ITFG1: variants seen among roughly 807,000 people sequenced by gnomAD.
ITFG1 encodes T-cell immunomodulatory protein.
Under a neutral mutation model 81.8 loss-of-function variants are expected in ITFG1, and 34 were observed. The ratio of observed to expected loss-of-function variants is 0.42; its 90% CI spans 0.32 to 0.55. The LOEUF (loss-of-function observed/expected upper bound fraction) is 0.55. Among genes scored for constraint, ITFG1 ranks in the 20% least tolerant of loss-of-function variants. The pLI is 0.17. For synonymous variants in ITFG1, 285 were observed against 270.6 expected (o/e 1.05, Z -0.52); for missense variants, 672 against 755.4 (o/e 0.89, Z 1.29).
chr16:47,295,723 A>T (rs1207576644), intron 10 of ITFG1, among the ~76,000 whole-genome samples: 1 of 152,036 alleles, frequency 6.6e-6, no homozygotes, highest in Admixed American at 6.6e-5. Context: ...GGAGTGGTTT[A>T]TCAATTTTGT....
intron 8 of ITFG1, among the ~76,000 whole-genome samples, chr16:47,332,845 G>A (rs545453447): frequency 2.6e-5 from 4 of 152,284 alleles, no homozygotes; most frequent in Admixed American, 2.6e-4. Flanking sequence ...GGATTTTCAC[G>A]TCAGTCTTTC....
intron 10 of ITFG1, among the ~76,000 whole-genome samples, chr16:47,277,638 C>T (rs1157357101): frequency 6.6e-6 from 1 of 152,090 alleles, no homozygotes; most frequent in East Asian, 1.9e-4. Context: ...TAGATATGAC[C>T]ATTTCAACAT....
intron 6 of ITFG1, among the ~76,000 whole-genome samples, chr16:47,409,132 G>A (rs1168558688): frequency 6.6e-6 from 1 of 151,208 alleles, no homozygotes; most frequent in Non-Finnish European, 1.5e-5. Flanking sequence ...GGGAAAATTA[G>A]GGTTATCATA....
intron 10 of ITFG1, among the ~76,000 whole-genome samples, chr16:47,303,533 T>C (rs1204205325): frequency 3.3e-5 from 5 of 152,184 alleles, no homozygotes; most frequent in Admixed American, 6.5e-5. Context: ...CCGGAAAGAT[T>C]TGGACATTTT....
intron 5 of ITFG1, among the ~76,000 whole-genome samples, chr16:47,441,098 C>T (rs376325529): frequency 6.6e-5 from 10 of 152,150 alleles, no homozygotes; most frequent in African/African-American, 1.7e-4. Flanking sequence ...ATAAATTCCT[C>T]GACACATACA....
intron 5 of ITFG1, among the ~76,000 whole-genome samples, chr16:47,441,675 T>G (rs1969252700): frequency 6.6e-6 from 1 of 152,132 alleles, no homozygotes; most frequent in Middle Eastern, 3.2e-3. Flanking sequence ...TGATGGGACA[T>G]ATCTCAAAAT....
chr16:47,211,320 G>C (rs1243816861), intron 14 of ITFG1, among the ~76,000 whole-genome samples: 1 of 152,168 alleles, frequency 6.6e-6, no homozygotes, highest in Non-Finnish European at 1.5e-5. Context: ...TGGTGTCTAT[G>C]TATCCATTGA....
At chr16:47,365,109 C>G (rs1968159153) in intron 8 of ITFG1, among the ~76,000 whole-genome samples, 1 of 152,166 alleles carries the variant, frequency 6.6e-6, no homozygotes, top group African/African-American at 2.4e-5. Context: ...GCTGAGGTAT[C>G]TGAACATGGT....
At chr16:47,204,261 A>C (rs1192768100) in intron 14 of ITFG1, among the ~76,000 whole-genome samples, 1 of 152,196 alleles carries the variant, frequency 6.6e-6, no homozygotes, top group East Asian at 1.9e-4. Context: ...AACCCTGCCG[A>C]AGATTCACCC....
intron 17 of ITFG1, 139 bp from the exon 18 acceptor site, chr16:47,155,917 C>G (rs1964696692): frequency 3.6e-6 from 2 of 556,774 alleles, no homozygotes; most frequent in Admixed American, 3.5e-5. Flanking sequence ...ATTCAACAGT[C>G]CTAGTATTTT....
intron 12 of ITFG1, among the ~76,000 whole-genome samples, chr16:47,246,418 G>A (rs376959726): frequency 6.6e-6 from 1 of 152,154 alleles, no homozygotes; most frequent in East Asian, 1.9e-4. Context: ...AATAGAGTAT[G>A]CATTTCCTTG....
At chr16:47,248,823 G>T (rs2151537957) in intron 12 of ITFG1, among the ~76,000 whole-genome samples, 1 of 152,272 alleles carries the variant, frequency 6.6e-6, no homozygotes, top group East Asian at 1.9e-4. Context: ...AAATGGGAAG[G>T]TATGCTAAAA....
intron 8 of ITFG1, among the ~76,000 whole-genome samples, chr16:47,356,479 C>A (rs530894372): frequency 4.6e-5 from 7 of 152,220 alleles, no homozygotes; most frequent in African/African-American, 1.7e-4. Context: ...CTGTGTGTAA[C>A]AAGGACTAAA....
intron 14 of ITFG1, among the ~76,000 whole-genome samples, chr16:47,199,455 A>C (rs893415411): frequency 1.3e-5 from 2 of 152,218 alleles, no homozygotes; most frequent in African/African-American, 4.8e-5. Flanking sequence ...AACATTTAAA[A>C]ATCTTTTATA....
chr16:47,314,825 C>T (rs936840188), intron 8 of ITFG1, among the ~76,000 whole-genome samples: 9 of 152,088 alleles, frequency 5.9e-5, no homozygotes, highest in Middle Eastern at 3.4e-3. Context: ...GTAGTATATA[C>T]ACTTGGAAGA....
intron 14 of ITFG1, among the ~76,000 whole-genome samples, chr16:47,216,800 T>C (rs1160920256): frequency 6.6e-6 from 1 of 151,908 alleles, no homozygotes; most frequent in Admixed American, 6.6e-5. Flanking sequence ...TAGCTGGAAT[T>C]ACAGGCGACC....
chr16:47,257,046 T>C (rs1966146611), intron 12 of ITFG1, among the ~76,000 whole-genome samples: 1 of 152,226 alleles, frequency 6.6e-6, no homozygotes, highest in Admixed American at 6.5e-5. Flanking sequence ...ATAGCTAATA[T>C]AACACTTAAT....
intron 10 of ITFG1, among the ~76,000 whole-genome samples, chr16:47,290,024 C>A (rs151285570): frequency 1.6e-3 from 238 of 152,198 alleles, no homozygotes; most frequent in Non-Finnish European, 2.7e-3. Flanking sequence ...GTTTTCCTAT[C>A]TTCATTTGCT....
chr16:47,447,777 C>T (rs1460964224), intron 5 of ITFG1, among the ~76,000 whole-genome samples: 1 of 152,106 alleles, frequency 6.6e-6, no homozygotes, highest in Admixed American at 6.5e-5. Context: ...ACTGTTTCTG[C>T]AGTTTAACTT....
Sources: gnomAD v4.1 joint callset for allele counts (sites outside exome capture counted in the v4.1 genomes callset) on GRCh38, gnomAD v4.1.1 for gene constraint, MANE v1.5 for transcripts, NCBI Gene and HGNC (gene_info 2026-07-23, HGNC 2026-07-21) for gene names.